C3orf20: variants seen among roughly 807,000 people sequenced by gnomAD.
The protein encoded by C3orf20 is family with sequence similarity 149 member C.
C3orf20 carries 76 observed loss-of-function variants against 88.3 expected under a neutral mutation model. The observed-to-expected ratio is 0.86, with a 90% CI of 0.72 to 1.04. The LOEUF (loss-of-function observed/expected upper bound fraction) is 1.04. C3orf20 is among the 50% of genes least tolerant of loss of function. The pLI is 0.00. For synonymous variants in C3orf20, 436 were observed against 437.4 expected (o/e 1.00, Z 0.04); for missense variants, 1,056 against 1,123.3 (o/e 0.94, Z 0.86).
At chr3:14,691,175 ACCT>A (rs1176323138) in intron 5 of C3orf20, among the ~76,000 whole-genome samples, 2 of 151,864 alleles carry the variant, frequency 1.3e-5, no homozygotes, top group Non-Finnish European at 2.9e-5. Context: ...AAAGGAGCTG[ACCT>A]CCTCCTTCCG....
chr3:14,735,561 A>T (rs2034678444), intron 12 of C3orf20, among the ~76,000 whole-genome samples: 1 of 151,524 alleles, frequency 6.6e-6, no homozygotes, highest in Admixed American at 6.6e-5. Flanking sequence ...AATTCTATAT[A>T]TATGTTATAA....
At chr3:14,743,753 C>T (rs1270118822) in intron 12 of C3orf20, among the ~76,000 whole-genome samples, 1 of 152,062 alleles carries the variant, frequency 6.6e-6, no homozygotes, top group Non-Finnish European at 1.5e-5. Flanking sequence ...ACACTCAACT[C>T]CTTGTGGAAG....
At chr3:14,761,147 G>A (rs543051561) in intron 14 of C3orf20, among the ~76,000 whole-genome samples, 1 of 152,032 alleles carries the variant, frequency 6.6e-6, no homozygotes, top group South Asian at 2.1e-4. Flanking sequence ...TTTGAGCTGG[G>A]TGGCCAAGCA....
intron 12 of C3orf20, among the ~76,000 whole-genome samples, chr3:14,745,045 A>G (rs1338364424): frequency 1.3e-5 from 2 of 152,216 alleles, no homozygotes; most frequent in African/African-American, 4.8e-5. Context: ...GTCATGTGTT[A>G]ATGTTTCCAG....
At chr3:14,696,241 A>G (rs2032993419) in intron 5 of C3orf20, among the ~76,000 whole-genome samples, 1 of 151,604 alleles carries the variant, frequency 6.6e-6, no homozygotes, top group Non-Finnish European at 1.5e-5. Flanking sequence ...CACTGTTTGC[A>G]TAAACAAAGA....
intron 9 of C3orf20, 47 bp downstream of exon 9, chr3:14,715,456 C>T (rs376551401): frequency 6.3e-7 from 1 of 1,581,008 alleles, no homozygotes; most frequent in South Asian, 1.2e-5. Context: ...ACCACTGTCA[C>T]AGGGAGGGTC....
chr3:14,739,184 C>T (rs963431032), intron 12 of C3orf20, among the ~76,000 whole-genome samples: 1 of 152,186 alleles, frequency 6.6e-6, no homozygotes, highest in African/African-American at 2.4e-5. Context: ...TCACTACCTA[C>T]AGCATCTATA....
rs772392143 is a variant in C3orf20, at chr3:14,682,707, C to G, written c.-7C>G. On this transcript the variant is annotated 5_prime_UTR_variant, in exon 3 of 17. Coordinates refer to ENST00000253697, the MANE Select transcript of C3orf20 (RefSeq NM_032137.5). ...GAGAGCTCTCTTTATAGCTGAAGGT[C>G]CCTCTCATGAGTTACATCAAGAGTA... 3.1e-6 allele frequency: 5 copies of G among 1,597,962 alleles called. No homozygotes were observed. In the South Asian group the frequency reaches 4.5e-5, roughly 15 times the overall value.
chr3:14,745,222 C>T (rs2035026125), intron 12 of C3orf20, among the ~76,000 whole-genome samples: 1 of 152,126 alleles, frequency 6.6e-6, no homozygotes, highest in Non-Finnish European at 1.5e-5. Flanking sequence ...GAGGGAGGAC[C>T]TTCTGACAGA....
At chr3:14,675,380 G>A (rs1360846561) in intron 1 of C3orf20, 128 bp downstream of exon 1, 2 of 152,306 alleles carry the variant, frequency 1.3e-5, no homozygotes, top group Admixed American at 6.5e-5. Context: ...GTGGGCTGTG[G>A]ACATTATCTT....
chr3:14,762,296 C>A (rs1046895963), intron 15 of C3orf20, among the ~76,000 whole-genome samples: 1 of 152,224 alleles, frequency 6.6e-6, no homozygotes, highest in Non-Finnish European at 1.5e-5. Flanking sequence ...GCTTTTCAAC[C>A]AGGTGATGCC....
chr3:14,769,008 G>A (rs2035792357), intron 15 of C3orf20, among the ~76,000 whole-genome samples: 1 of 152,028 alleles, frequency 6.6e-6, no homozygotes, highest in South Asian at 2.1e-4. Context: ...TGCTGGCCTA[G>A]TCGTTCACGA....
intron 9 of C3orf20, among the ~76,000 whole-genome samples, chr3:14,716,226 G>A (rs902497246): frequency 6.6e-6 from 1 of 152,222 alleles, no homozygotes; most frequent in African/African-American, 2.4e-5. Context: ...ACCAATCAGA[G>A]ATTGGAAGGA....
chr3:14,697,146 A>T (rs1352906033), intron 5 of C3orf20, among the ~76,000 whole-genome samples: 1 of 152,072 alleles, frequency 6.6e-6, no homozygotes, highest in African/African-American at 2.4e-5. Flanking sequence ...TAAATGCCTT[A>T]AAGTAGTCTT....
In C3orf20 at chr3:14,728,440, T is replaced by A. The variant is rs1311453297; in HGVS notation, c.1692T>A (p.Gly564=). ...GACAGCAGCATCTTCTGTTAACAGG[T>A]CTGTTTACCATTGAATATCCCACCA... ...QFINSILLAA[G]LFTIEYPTKK... Residue 564 remains glycine (G), a splice_region_variant and synonymous_variant, in exon 12 of 17, where the codon GGT becomes GGA. Transcript: ENST00000253697. 6.2e-7 allele frequency: 1 copy of A among 1,614,016 alleles called. No homozygotes were observed. The highest frequency in any genetic ancestry group is 1.7e-5 in the Admixed American group (1 of 60,016).
At chr3:14,690,253 C>A in intron 5 of C3orf20, 137 bp downstream of exon 5, 1 of 1,221,942 alleles carries the variant, frequency 8.2e-7, no homozygotes, top group Non-Finnish European at 1.1e-6. Flanking sequence ...GCGGCTCTGC[C>A]TGGAGATCCA....
chr3:14,761,295 C>T (rs2035554784), intron 14 of C3orf20, among the ~76,000 whole-genome samples, 178 bp from the exon 15 acceptor site: 1 of 149,566 alleles, frequency 6.7e-6, no homozygotes. Flanking sequence ...CCATACCTCC[C>T]TGGGCAACTC....
intron 7 of C3orf20, among the ~76,000 whole-genome samples, chr3:14,712,226 T>C (rs67950543): frequency 0.2 from 30,878 of 151,264 alleles, 3,277 homozygotes; most frequent in Non-Finnish European, 0.22. Flanking sequence ...AGAAGAAAGC[T>C]ATGTGGTGAC....
chr3:14,716,574 T>C (rs1358426916), intron 9 of C3orf20, among the ~76,000 whole-genome samples: 1 of 152,196 alleles, frequency 6.6e-6, no homozygotes, highest in Non-Finnish European at 1.5e-5. Context: ...CTTGAACATG[T>C]CTCACCTTTC....
Sources: gnomAD v4.1 joint callset for allele counts (sites outside exome capture counted in the v4.1 genomes callset) on GRCh38, gnomAD v4.1.1 for gene constraint, MANE v1.5 for transcripts, NCBI Gene and HGNC (gene_info 2026-07-23, HGNC 2026-07-21) for gene names.